ASPM: variants seen among roughly 807,000 people sequenced by gnomAD.
The protein encoded by ASPM is abnormal spindle-like microcephaly-associated protein.
Under a neutral mutation model 366.4 loss-of-function variants are expected in ASPM, and 256 were observed. That is an observed-to-expected ratio of 0.70 (90% CI 0.63 to 0.77). ASPM has a LOEUF of 0.77. Ranked by LOEUF, ASPM falls within the 30% of genes least tolerant of loss-of-function variation. The probability of loss-of-function intolerance (pLI) is 0.00; values close to 1 mark genes in which losing one functional copy is unlikely to be tolerated. For missense variants in ASPM, 4,146 were observed against 4,090.4 expected, an observed-to-expected ratio of 1.01 and a Z score of -0.37; for synonymous variants, 1,414 against 1,342.9, an observed-to-expected ratio of 1.05 and a Z score of -1.16.
chr1:197,124,320 G>C lies in ASPM; in HGVS notation c.3180C>G (p.Ser1060=), dbSNP rs1393302710. 2 of 1,572,396 alleles carry C rather than the reference G, an allele frequency of 1.3e-6. No homozygotes were observed. The highest frequency in any genetic ancestry group is 2.2e-5 in the South Asian group (2 of 89,224). Residue 1060 remains serine (S), a synonymous_variant, in exon 13 of 28, where the codon TCC becomes TCG. Transcript: ENST00000367409. ...KIAFAFQVDI[S]LNLDQLKEEI... is the part of the protein sequence containing the mutation. ...CTTCCTTTAATTGATCTAAGTTAAG[G>C]GAAATATCCACCTAAAACAAACACA...
At chr1:197,138,965 A>C in intron 4 of ASPM, 1 of 733,180 alleles carries the variant, frequency 1.4e-6, no homozygotes, top group Non-Finnish European at 2.5e-6. Flanking sequence ...CTCGCTGCAT[A>C]AATCTGTTTC....
At position 197,101,985 on chromosome 1, in the gene ASPM, C is replaced by T. The variant is rs1322038079; in HGVS notation, c.7266G>A (p.Leu2422=). Residue 2422 remains leucine (L), a synonymous_variant, in exon 18 of 28, where the codon CTG becomes CTA. Coordinates refer to ENST00000367409, the MANE Select transcript of ASPM (RefSeq NM_018136.5). The part of the protein sequence containing the change: ...TLIQSRFRSL[L]VRRRFISLKK... Reference sequence around the variant, plus strand: ...TGAGGGAAATGAATCTTCTCCTCACCAGTAATGATCTAAACCTACTCTGAA... The same window carrying T: ...TGAGGGAAATGAATCTTCTCCTCACTAGTAATGATCTAAACCTACTCTGAA... 3.6e-5 allele frequency: 58 copies of T among 1,612,684 alleles called. No individual in the cohort carries two copies. The highest frequency in any genetic ancestry group is 4.8e-5 in the Non-Finnish European group (57 of 1,179,292).
intron 4 of ASPM, among the ~76,000 whole-genome samples, chr1:197,136,051 C>A (rs551237439): frequency 6.6e-6 from 1 of 152,250 alleles, no homozygotes; most frequent in Admixed American, 6.5e-5. Context: ...CAGCTGATTT[C>A]TCAGCAGAAA....
intron 3 of ASPM, among the ~76,000 whole-genome samples, chr1:197,141,190 A>AC (rs1658567638): frequency 6.6e-6 from 1 of 152,006 alleles, no homozygotes; most frequent in Admixed American, 6.6e-5. Context: ...GAGTTAAAAA[A>AC]AAAATGAAAA....
rs1468838921 is a variant in ASPM at position 197,142,855 on chromosome 1, T to C, written c.1397A>G (p.Lys466Arg). ...EMKSNYYSFI[K>R]QNNPKFSAVQ... ...TGCAGAAAATTTAGGATTATTTTGT[T>C]TTATAAAACTGTAGTAATTTGACTT... The change falls in exon 3 of 28, where the codon AAA becomes AGA. Residue 466 changes from lysine (K) to arginine (R), a missense_variant. Coordinates refer to ENST00000367409, the MANE Select transcript of ASPM (RefSeq NM_018136.5). The C allele has an allele frequency of 2.5e-6, 4 of 1,613,356 alleles. No individual in the cohort carries two copies. In the African/African-American group the frequency reaches 5.3e-5, roughly 22 times the overall value.
In ASPM at chr1:197,100,764, G is replaced by A; in HGVS notation, c.8487C>T (p.Val2829=). 1 of 1,612,382 alleles carries A rather than the reference G, an allele frequency of 6.2e-7. No individual in the cohort carries two copies. Among genetic ancestry groups the A allele is most frequent in the Non-Finnish European group, 8.5e-7 (1 of 1,179,078 alleles). ...VTIQKAFCRM[V]TRKLETQKCA... is the part of the protein sequence containing the mutation. ...ATTTCTGTGTTTCCAGTTTTCTTGTGACCATTCTACAAAAAGCTTTTTGAA... is the reference window on the plus strand; with the variant it reads ...ATTTCTGTGTTTCCAGTTTTCTTGTAACCATTCTACAAAAAGCTTTTTGAA... Residue 2829 remains valine (V), a synonymous_variant, in exon 18 of 28, where the codon GTC becomes GTT. Transcript: ENST00000367409.
Position 197,087,034 on chromosome 1 carries a change from A to T in ASPM, c.10162-62T>A, listed in dbSNP as rs1656613472. The T allele has an allele frequency of 1.2e-5, 17 of 1,421,196 alleles. No homozygotes were observed. In the East Asian group the frequency reaches 3.9e-4, roughly 33 times the overall value. 88.0% of individuals were successfully genotyped at this position (1,421,196 alleles called of 1,614,324 possible). ...AGAATTAAAATTTTATCTCTTTTAG[A>T]CTAGCAAAATCAAATATAATAAAAA... On this transcript the variant is annotated intron_variant, in intron 26 of 27. Coordinates refer to ENST00000367409, the MANE Select transcript of ASPM (RefSeq NM_018136.5).
chr1:197,093,393 A>G, intron 20 of ASPM, 132 bp from the exon 21 acceptor site: 1 of 808,588 alleles, frequency 1.2e-6, no homozygotes. Flanking sequence ...TGTTTCATAG[A>G]TATGAAATGA....
chr1:197,146,529 C>T lies in ASPM; in HGVS notation c.-92G>A. 1 of 1,437,694 alleles carries T rather than the reference C, an allele frequency of 7.0e-7. No individual in the cohort carries two copies. Among genetic ancestry groups the T allele is most frequent in the Non-Finnish European group, 9.6e-7 (1 of 1,045,246 alleles). The allele number at this position is 1,437,694 out of a possible 1,614,324, so 89.1% of individuals were successfully genotyped here. ...CCGGGACTTACGCTGACCGCTTCCC[C>T]TCAGGGGCGGCTGTAGAGGTCGTGG... On this transcript the variant is annotated 5_prime_UTR_variant, in exon 1 of 28. Coordinates refer to ENST00000367409, the MANE Select transcript of ASPM (RefSeq NM_018136.5).
chr1:197,090,171 T>C, intron 24 of ASPM, 25 bp downstream of exon 24: 1 of 1,612,498 alleles, frequency 6.2e-7, no homozygotes, highest in Non-Finnish European at 8.5e-7. Context: ...TACATCATTC[T>C]TTAAACATGT....
At chr1:197,126,561 A>G (rs1557957888) in intron 10 of ASPM, among the ~76,000 whole-genome samples, 1 of 151,876 alleles carries the variant, frequency 6.6e-6, no homozygotes, top group Admixed American at 6.6e-5. Flanking sequence ...AACAATTCCT[A>G]TTGGCCAGAA....
intron 17 of ASPM, among the ~76,000 whole-genome samples, chr1:197,107,506 T>G (rs1657450099): frequency 6.6e-6 from 1 of 152,106 alleles, no homozygotes; most frequent in African/African-American, 2.4e-5. Flanking sequence ...ACATTAAATT[T>G]CCAGAATGCA....
rs781557550 is a variant in ASPM, at chr1:197,103,948, C to T, written c.5303G>A (p.Arg1768Gln). The change falls in exon 18 of 28, where the codon CGG (arginine) becomes CAG (glutamine). Residue 1768 changes from arginine (R) to glutamine (Q), a missense_variant. Coordinates refer to ENST00000367409, the MANE Select transcript of ASPM (RefSeq NM_018136.5). ...LQSYFRMRKA[R>Q]QYYLKMYKAI... ...TTTATACATTTTCAGATAATACTGC[C>T]GAGCCTTTCTCATTCTGAAATAAGA... is the stretch of plus-strand genomic sequence containing the variant. 27 of 1,612,356 alleles carry T rather than the reference C, an allele frequency of 1.7e-5. No individual in the cohort carries two copies. The highest frequency in any genetic ancestry group is 1.6e-4 in the Middle Eastern group (1 of 6,074).
intron 19 of ASPM, among the ~76,000 whole-genome samples, chr1:197,094,499 G>T (rs1331727004): frequency 6.6e-6 from 1 of 151,728 alleles, no homozygotes; most frequent in Non-Finnish European, 1.5e-5. Context: ...ACTAGATAAA[G>T]GGGGAATGGT....
chr1:197,123,367 C>T (rs758400582), intron 13 of ASPM, among the ~76,000 whole-genome samples: 1 of 152,102 alleles, frequency 6.6e-6, no homozygotes, highest in African/African-American at 2.4e-5. Flanking sequence ...CATTCACACA[C>T]GTCAATAAAT....
In ASPM at chr1:197,132,322, A is replaced by G. The variant is rs1416603345; in HGVS notation, c.2450T>C (p.Leu817Ser). The G allele has an allele frequency of 6.2e-7, 1 of 1,613,386 alleles. No individual in the cohort carries two copies. The highest frequency in any genetic ancestry group is 1.7e-5 in the Admixed American group (1 of 60,026). The change falls in exon 7 of 28, where the codon TTG becomes TCG. Residue 817 changes from leucine to serine, a missense_variant. Physicochemically the swap from Leu to Ser is moderately radical, Grantham distance 145. Coordinates refer to ENST00000367409, the MANE Select transcript of ASPM (RefSeq NM_018136.5). ...TCGAAGCCACAAAGGATTGTAGGAC[A>G]ACAGCCAATTCAGGACTTTCTGACG... ...GERQKVLNWL[L>S]SYNPLWLRIG...
At position 197,146,197 on chromosome 1, in the gene ASPM, G is replaced by C. The variant is rs1425220223; in HGVS notation, c.241C>G (p.His81Asp). Reference sequence around the variant, plus strand: ...AAGCCCAGGTCCGCGGCCGGGAAGTGGGAGATCTTCACTTCTGCCACCTCC... The same window carrying C: ...AAGCCCAGGTCCGCGGCCGGGAAGTCGGAGATCTTCACTTCTGCCACCTCC... Reference protein sequence around the residue: ...NEEVAEVKISHFPAADLGFSV... With the variant: ...NEEVAEVKISDFPAADLGFSV... The change falls in exon 1 of 28, where the codon CAC becomes GAC. Residue 81 changes from histidine (H) to aspartate (D), a missense_variant. Physicochemically the swap from His to Asp is moderately conservative, Grantham distance 81. This residue lies in a region of ASPM where 512 missense variants were observed against 471.7 expected (regional missense o/e 1.09). Coordinates refer to ENST00000367409, the MANE Select transcript of ASPM (RefSeq NM_018136.5). The C allele has an allele frequency of 1.2e-6, 2 of 1,613,734 alleles. No individual in the cohort carries two copies. The highest frequency in any genetic ancestry group is 1.7e-6 in the Non-Finnish European group (2 of 1,179,954).
intron 17 of ASPM, among the ~76,000 whole-genome samples, chr1:197,112,064 T>C (rs927459691): frequency 6.6e-5 from 10 of 152,086 alleles, no homozygotes; most frequent in African/African-American, 2.4e-4. Flanking sequence ...ATGCGTGATG[T>C]TCACTGCAGC....
chr1:197,097,524 T>C (rs1428727824), intron 18 of ASPM, among the ~76,000 whole-genome samples: 1 of 151,820 alleles, frequency 6.6e-6, no homozygotes, highest in Admixed American at 6.6e-5. Flanking sequence ...AACGTATATT[T>C]AGATTAGGTT....
Sources: gnomAD v4.1 joint callset for allele counts (sites outside exome capture counted in the v4.1 genomes callset) on GRCh38, gnomAD v4.1.1 for gene constraint, gnomAD v4.1.1 regional missense constraint, MANE v1.5 for transcripts, NCBI Gene and HGNC (gene_info 2026-07-23, HGNC 2026-07-21) for gene names.